The following OSBPL8 variants were observed in gnomAD, a reference collection of about 807,000 sequenced individuals.
OSBPL8 encodes the protein oxysterol binding protein like 8.
Under a neutral mutation model 125.5 loss-of-function variants are expected in OSBPL8, and 59 were observed. The ratio of observed to expected loss-of-function variants is 0.47; its 90% CI spans 0.38 to 0.58. OSBPL8 has a LOEUF of 0.58. OSBPL8 is among the 20% of genes least tolerant of loss of function. OSBPL8 has a pLI of 0.00. For synonymous variants in OSBPL8, 330 were observed against 338.9 expected (o/e 0.97, Z 0.29); for missense variants, 758 against 1,047.8 (o/e 0.72, Z 3.82).
Position 76,503,688 on chromosome 12 carries a change from G to A in OSBPL8, c.-67-16070C>T, listed in dbSNP as rs556922902. Among the ~76,000 whole-genome samples, 17 of 152,014 alleles carry A rather than the reference G, an allele frequency of 1.1e-4. No individual in the cohort carries two copies. In the South Asian group the frequency reaches 1.5e-3, roughly 13 times the overall value. ...CGAGTAGCTGGGACTACAGGTGCCC[G>A]CCACCATGCCCGGCTAATTTTTTTT... is the stretch of plus-strand genomic sequence containing the variant. On this transcript the variant is annotated intron_variant, in intron 1 of 23. Coordinates refer to ENST00000261183, the MANE Select transcript of OSBPL8 (RefSeq NM_020841.5).
chr12:76,433,246 G>T (rs1047308512), intron 4 of OSBPL8, among the ~76,000 whole-genome samples: 1 of 151,972 alleles, frequency 6.6e-6, no homozygotes, highest in African/African-American at 2.4e-5. Context: ...GAAAGAAAAA[G>T]AAATAAAAGG....
At chr12:76,422,646 C>A (rs777201748) in intron 4 of OSBPL8, 1 of 456,484 alleles carries the variant, frequency 2.2e-6, no homozygotes, top group South Asian at 1.5e-5. Flanking sequence ...GAGCTCTCTT[C>A]TTTCATAGCT....
In OSBPL8 at chr12:76,409,189, G is replaced by C. The variant is rs1470659544; in HGVS notation, c.288+1375C>G. On this transcript the variant is annotated intron_variant, in intron 5 of 23. Coordinates refer to ENST00000261183, the MANE Select transcript of OSBPL8 (RefSeq NM_020841.5). ...CTGAGAAAACTTGAAAAGCAGAAAGGTCACTCTCTGACCTTCTGCCTTTCT... is the reference window on the plus strand; with the variant it reads ...CTGAGAAAACTTGAAAAGCAGAAAGCTCACTCTCTGACCTTCTGCCTTTCT... Among the ~76,000 whole-genome samples the C allele has an allele frequency of 1.1e-4, 17 of 151,994 alleles. No individual in the cohort carries two copies. The South Asian group carries it at 2.3e-3, about 20-fold the overall frequency.
chr12:76,488,966 A>C (rs1424666797), intron 1 of OSBPL8, among the ~76,000 whole-genome samples: 1 of 152,272 alleles, frequency 6.6e-6, no homozygotes, highest in Non-Finnish European at 1.5e-5. Context: ...GAAGAAATTA[A>C]AAGTCCTATT....
Position 76,417,448 on chromosome 12 carries a change from G to T in OSBPL8, c.218-6814C>A, listed in dbSNP as rs545089915. ...TTCAATTATAGCCATTATACTTAAA[G>T]ACTTTTTATCCTATTTTGTCTATTT... On this transcript the variant is annotated intron_variant, in intron 4 of 23. Coordinates refer to ENST00000261183, the MANE Select transcript of OSBPL8 (RefSeq NM_020841.5). Among the ~76,000 whole-genome samples the T allele has an allele frequency of 2.8e-4, 42 of 152,244 alleles. No homozygotes were observed. In the South Asian group the frequency reaches 7.9e-3, roughly 29 times the overall value.
intron 2 of OSBPL8, among the ~76,000 whole-genome samples, chr12:76,478,368 C>T (rs1877064852): frequency 6.6e-6 from 1 of 152,124 alleles, no homozygotes; most frequent in Admixed American, 6.5e-5. Flanking sequence ...TTACCCCTCA[C>T]AGATTCTCTG....
intron 1 of OSBPL8, among the ~76,000 whole-genome samples, chr12:76,541,849 C>G (rs1950653747): frequency 6.6e-6 from 1 of 151,482 alleles, no homozygotes; most frequent in African/African-American, 2.4e-5. Context: ...TGACAAGACT[C>G]TGTCTCAAAA....
At chr12:76,530,335 G>T (rs1283342170) in intron 1 of OSBPL8, among the ~76,000 whole-genome samples, 1 of 149,006 alleles carries the variant, frequency 6.7e-6, no homozygotes, top group African/African-American at 2.5e-5. Context: ...TAGGATTACA[G>T]CTGTGAGCCA....
chr12:76,451,219 TATA>T (rs1873371910), intron 3 of OSBPL8, among the ~76,000 whole-genome samples: 1 of 152,108 alleles, frequency 6.6e-6, no homozygotes, highest in Admixed American at 6.6e-5. Flanking sequence ...TTATAGACAT[TATA>T]ATAATGAAAA....
At chr12:76,460,020 A>G in intron 2 of OSBPL8, 125 bp from the exon 3 acceptor site, 1 of 840,170 alleles carries the variant, frequency 1.2e-6, no homozygotes, top group Middle Eastern at 2.2e-4. Context: ...TTATAAGTAG[A>G]AAGCACATGC....
intron 4 of OSBPL8, among the ~76,000 whole-genome samples, chr12:76,429,200 C>T (rs893650698): frequency 6.6e-6 from 1 of 151,726 alleles, no homozygotes; most frequent in African/African-American, 2.4e-5. Flanking sequence ...TTAGATTAGA[C>T]AGCATTCTTA....
chr12:76,512,364 T>G (rs918943080), intron 1 of OSBPL8, among the ~76,000 whole-genome samples: 1 of 152,230 alleles, frequency 6.6e-6, no homozygotes, highest in African/African-American at 2.4e-5. Context: ...CTTTTTTCAG[T>G]CTGTCACTGA....
In OSBPL8 at chr12:76,402,677, C is replaced by A. The variant is rs1010710472; in HGVS notation, c.366+12G>T. 2 of 1,572,870 alleles carry A rather than the reference C, an allele frequency of 1.3e-6. No homozygotes were observed. The highest frequency in any genetic ancestry group is 2.7e-5 in the African/African-American group (2 of 73,870). On this transcript the variant is annotated intron_variant, in intron 6 of 23. Coordinates refer to ENST00000261183, the MANE Select transcript of OSBPL8 (RefSeq NM_020841.5). ...AATGTAAATTACCTTTCAGAAACAA[C>A]TGGAAACTAACCTTAAGAGATTCTT...
chr12:76,369,789 G>C lies in OSBPL8; in HGVS notation c.2088C>G (p.Ala696=). 3 of 1,613,244 alleles carry C rather than the reference G, an allele frequency of 1.9e-6. No homozygotes were observed. Among genetic ancestry groups the C allele is most frequent in the Non-Finnish European group, 2.5e-6 (3 of 1,179,558 alleles). The change falls in exon 20 of 24, where the codon GCC becomes GCG. Residue 696 remains alanine (A), a synonymous_variant. Transcript: ENST00000261183. ...CTTGGGTAGCTTCAGTTTGGTCTTT[G>C]GCATTTATGGCTCGAGTTACCCGTT... The part of the protein sequence containing the change: ...LWQRVTRAIN[A]KDQTEATQEK...
intron 3 of OSBPL8, among the ~76,000 whole-genome samples, chr12:76,456,028 T>C (rs1873994904): frequency 6.6e-6 from 1 of 152,234 alleles, no homozygotes; most frequent in Admixed American, 6.5e-5. Context: ...AAATAGTTAA[T>C]ATAATTAACA....
At chr12:76,496,166 A>AGT (rs1879246138) in intron 1 of OSBPL8, among the ~76,000 whole-genome samples, 1 of 128,698 alleles carries the variant, frequency 7.8e-6, no homozygotes, top group African/African-American at 2.8e-5. Flanking sequence ...TCATGTCTGT[A>AGT]GTATTTTTTT....
intron 2 of OSBPL8, among the ~76,000 whole-genome samples, chr12:76,463,484 T>C (rs1469899324): frequency 6.6e-6 from 1 of 152,178 alleles, no homozygotes. Flanking sequence ...TATATAAATC[T>C]GTATAGGGAA....
At position 76,351,961 on chromosome 12, in the gene OSBPL8, A is replaced by G. The variant is rs926341724; in HGVS notation, c.*3928T>C. ...AAAACAGTGGCCTATAACTATCTGT[A>G]CATTTACTGTGCACCTTAAGGAAAA... is the stretch of plus-strand genomic sequence containing the variant. On this transcript the variant is annotated 3_prime_UTR_variant, in exon 24 of 24. Coordinates refer to ENST00000261183, the MANE Select transcript of OSBPL8 (RefSeq NM_020841.5). The G allele has an allele frequency of 3.3e-5, 5 of 152,258 alleles. No homozygotes were observed. Among genetic ancestry groups the G allele is most frequent in the Non-Finnish European group, 2.9e-5 (2 of 68,044 alleles). The allele number at this position is 152,258 out of a possible 1,614,324, so 9.4% of individuals were successfully genotyped here.
intron 22 of OSBPL8, among the ~76,000 whole-genome samples, chr12:76,357,676 T>C (rs960596174): frequency 6.6e-6 from 1 of 152,176 alleles, no homozygotes; most frequent in Non-Finnish European, 1.5e-5. Flanking sequence ...ATCTTAATAA[T>C]TCATCAGGAT....
Sources: gnomAD v4.1 joint callset for allele counts (sites outside exome capture counted in the v4.1 genomes callset) on GRCh38, gnomAD v4.1.1 for gene constraint, MANE v1.5 for transcripts, NCBI Gene and HGNC (gene_info 2026-07-23, HGNC 2026-07-21) for gene names.